The following TENM3 variants were observed in gnomAD, a reference collection of about 807,000 sequenced individuals.
TENM3 encodes teneurin-3.
In TENM3, 63 loss-of-function variants were observed where a neutral mutation model predicts 255.1. The ratio of observed to expected loss-of-function variants is 0.25; its 90% CI spans 0.20 to 0.30. The LOEUF (loss-of-function observed/expected upper bound fraction) is 0.30. TENM3 is among the 10% of genes least tolerant of loss of function. The probability of loss-of-function intolerance (pLI) is 1.00; values close to 1 mark genes in which losing one functional copy is unlikely to be tolerated. For synonymous variants in TENM3, 1,306 were observed against 1,322.3 expected (o/e 0.99, Z 0.27); for missense variants, 2,929 against 3,461.1 (o/e 0.85, Z 3.86).
intron 3 of TENM3, among the ~76,000 whole-genome samples, chr4:182,501,608 A>G (rs1030159636): frequency 3.9e-5 from 6 of 152,108 alleles, no homozygotes; most frequent in African/African-American, 1.2e-4. Context: ...AGAAGCAACT[A>G]CTCAGCAATT....
chr4:181,820,004 A>ATT, the TENM3 span: 1 of 152,034 alleles, frequency 6.6e-6, no homozygotes, highest in Non-Finnish European at 1.5e-5. Flanking sequence ...AAAAAAATCC[A>ATT]TTAATGAATG....
intron 22 of TENM3, among the ~76,000 whole-genome samples, chr4:182,759,977 G>A (rs906092577): frequency 2.2e-4 from 33 of 152,304 alleles, no homozygotes; most frequent in African/African-American, 7.2e-4. Flanking sequence ...TTAGGTATCA[G>A]ATGGTTTATA....
chr4:182,586,842 CAT>C (rs1402527399), intron 3 of TENM3, among the ~76,000 whole-genome samples: 1 of 152,006 alleles, frequency 6.6e-6, no homozygotes, highest in Non-Finnish European at 1.5e-5. Flanking sequence ...TAAGAAATAA[CAT>C]ATCAAATAAT....
At chr4:182,537,995 G>C (rs1337651747) in intron 3 of TENM3, among the ~76,000 whole-genome samples, 1 of 152,174 alleles carries the variant, frequency 6.6e-6, no homozygotes, top group Non-Finnish European at 1.5e-5. Context: ...GGGCTTTAAA[G>C]CACTTACCAT....
the TENM3 span, among the ~76,000 whole-genome samples, chr4:182,067,907 A>G: frequency 6.6e-6 from 1 of 152,030 alleles, no homozygotes; most frequent in East Asian, 1.9e-4. Context: ...CAGTGCAGTC[A>G]CATTATCGTG....
the TENM3 span, among the ~76,000 whole-genome samples, chr4:181,616,306 C>T: frequency 9.2e-6 from 1 of 108,700 alleles, no homozygotes; most frequent in African/African-American, 3.3e-5. Context: ...AAAAAAGAAC[C>T]CATAGAATAC....
the TENM3 span, among the ~76,000 whole-genome samples, chr4:182,056,241 T>A: frequency 2.6e-5 from 4 of 152,196 alleles, no homozygotes; most frequent in African/African-American, 9.7e-5. Context: ...ACTAACTGTA[T>A]GCAGCTCAAT....
At chr4:182,262,003 G>A (rs1402488606) in intron 1 of TENM3, among the ~76,000 whole-genome samples, 1 of 152,140 alleles carries the variant, frequency 6.6e-6, no homozygotes, top group East Asian at 1.9e-4. Flanking sequence ...AAATTACCAA[G>A]ATCATGAGTC....
At chr4:182,614,343 C>CTTTT (rs2152436399) in intron 4 of TENM3, among the ~76,000 whole-genome samples, 1 of 152,116 alleles carries the variant, frequency 6.6e-6, no homozygotes, top group South Asian at 2.1e-4. Context: ...CCATTTTGAA[C>CTTTT]AAAATGGCCA....
chr4:181,831,313 G>C, the TENM3 span, among the ~76,000 whole-genome samples: 3 of 152,062 alleles, frequency 2.0e-5, no homozygotes, highest in African/African-American at 7.2e-5. Flanking sequence ...TTTGAGGTGA[G>C]TTTGTCATCT....
At chr4:182,771,503 G>GT (rs561972348) in intron 22 of TENM3, among the ~76,000 whole-genome samples, 3 of 148,754 alleles carry the variant, frequency 2.0e-5, no homozygotes, top group South Asian at 4.4e-4. Flanking sequence ...TGAAATGGGG[G>GT]GGGGGGAAAT....
intron 3 of TENM3, among the ~76,000 whole-genome samples, chr4:182,356,134 CA>C (rs33980465): frequency 4.0e-5 from 6 of 150,336 alleles, no homozygotes; most frequent in African/African-American, 9.8e-5. Context: ...TTTATAGAGG[CA>C]AAAAAAACCC....
At chr4:181,773,345 C>T in the TENM3 span, among the ~76,000 whole-genome samples, 1 of 152,170 alleles carries the variant, frequency 6.6e-6, no homozygotes, top group African/African-American at 2.4e-5. Context: ...GTGGAATATG[C>T]TCCCATTTCT....
At chr4:182,645,353 G>C (rs1752650338) in intron 5 of TENM3, among the ~76,000 whole-genome samples, 1 of 152,034 alleles carries the variant, frequency 6.6e-6, no homozygotes, top group Admixed American at 6.5e-5. Context: ...CATCCACATG[G>C]AATTGGAAGT....
At chr4:182,079,729 G>A in the TENM3 span, 1 of 152,356 alleles carries the variant, frequency 6.6e-6, no homozygotes, top group Non-Finnish European at 1.5e-5. Flanking sequence ...CAGTAGTGCA[G>A]AGCTGACTCC....
the TENM3 span, among the ~76,000 whole-genome samples, chr4:181,573,372 T>G: frequency 2.6e-5 from 4 of 152,270 alleles, no homozygotes; most frequent in South Asian, 4.2e-4. Flanking sequence ...TGTACACAGA[T>G]TCCCTTTTTT....
chr4:182,317,542 A>C (rs1212719839), intron 1 of TENM3, among the ~76,000 whole-genome samples: 1 of 152,004 alleles, frequency 6.6e-6, no homozygotes, highest in Non-Finnish European at 1.5e-5. Flanking sequence ...TCCTGGGCTC[A>C]AGCAATGTTC....
the TENM3 span, among the ~76,000 whole-genome samples, chr4:181,636,787 G>A: frequency 6.6e-6 from 1 of 152,182 alleles, no homozygotes; most frequent in Non-Finnish European, 1.5e-5. Context: ...AAGTAATCCT[G>A]TTAGCTAAAC....
chr4:182,423,789 A>C (rs749476971), intron 3 of TENM3, among the ~76,000 whole-genome samples: 3 of 152,190 alleles, frequency 2.0e-5, no homozygotes, highest in African/African-American at 7.2e-5. Flanking sequence ...AATAGTTTTA[A>C]TATATTCTAA....
Sources: gnomAD v4.1 joint callset for allele counts (sites outside exome capture counted in the v4.1 genomes callset) on GRCh38, gnomAD v4.1.1 for gene constraint, MANE v1.5 for transcripts, NCBI Gene and HGNC (gene_info 2026-07-23, HGNC 2026-07-21) for gene names.